The following SAYSD1 variants were observed in gnomAD, a reference collection of about 807,000 sequenced individuals.
SAYSD1 encodes SAYSvFN domain-containing protein 1.
A neutral mutation model predicts 14.5 loss-of-function variants in SAYSD1; 15 were observed. The ratio of observed to expected loss-of-function variants is 1.03; its 90% CI spans 0.69 to 1.59. The LOEUF is 1.59. SAYSD1 is among the 40% of genes most tolerant of loss of function. The probability of loss-of-function intolerance (pLI) is 0.00; values close to 1 mark genes in which losing one functional copy is unlikely to be tolerated. For synonymous variants in SAYSD1, 105 were observed against 102.6 expected (o/e 1.02, Z -0.14); for missense variants, 247 against 227.3 (o/e 1.09, Z -0.56).
intron 1 of SAYSD1, chr6:39,111,407 C>T (rs185081387): frequency 6.6e-6 from 1 of 151,222 alleles, no homozygotes; most frequent in Non-Finnish European, 1.5e-5. Flanking sequence ...AAAAAAGTAT[C>T]AAAAAAACGT....
chr6:39,108,633 G>A (rs1050600307), intron 1 of SAYSD1, among the ~76,000 whole-genome samples: 1 of 152,118 alleles, frequency 6.6e-6, no homozygotes, highest in Non-Finnish European at 1.5e-5. Flanking sequence ...TCTTACCTTA[G>A]GGCCTCTGCA....
chr6:39,114,918 G>C lies in SAYSD1; in HGVS notation c.172C>G (p.Pro58Ala). The change falls in exon 1 of 2, where the codon CCC becomes GCC. Residue 58 changes from proline to alanine, a missense_variant. Physicochemically the swap from Pro to Ala is conservative, Grantham distance 27 (BLOSUM62 -1). Transcript: ENST00000229903. ...CCGGGCTGGGCCCGGGCACTCGCGG[G>C]CCTAGGTTTCCATACCAGGAACCGC... ...LKRFLVWKPR[P>A]ASARAQPGLV... is the part of the protein sequence containing the mutation. The C allele has an allele frequency of 6.2e-7, 1 of 1,612,960 alleles. No individual in the cohort carries two copies. The highest frequency in any genetic ancestry group is 1.3e-5 in the African/African-American group (1 of 75,048).
intron 1 of SAYSD1, among the ~76,000 whole-genome samples, chr6:39,114,320 T>C (rs1562030237): frequency 2.0e-5 from 3 of 152,268 alleles, no homozygotes; most frequent in Admixed American, 1.3e-4. Context: ...TTTTTTTGTT[T>C]GTGTCTTGAA....
Position 39,115,130 on chromosome 6 carries a change from G to C in SAYSD1, c.-41C>G, listed in dbSNP as rs778316136. 2 of 1,562,192 alleles carry C rather than the reference G, an allele frequency of 1.3e-6. No individual in the cohort carries two copies. The highest frequency in any genetic ancestry group is 2.3e-5 in the East Asian group (1 of 43,466). On this transcript the variant is annotated 5_prime_UTR_variant, in exon 1 of 2. Coordinates refer to ENST00000229903, the MANE Select transcript of SAYSD1 (RefSeq NM_018322.3). ...TCCGTTGGCCGATAAGGGAGCGCGCGCCCGCAGGCCGCACAGCAGTTGCCT... is the reference window on the plus strand; with the variant it reads ...TCCGTTGGCCGATAAGGGAGCGCGCCCCCGCAGGCCGCACAGCAGTTGCCT...
Position 39,114,932 on chromosome 6 carries a change from A to G in SAYSD1, c.158T>C (p.Val53Ala). 6.2e-7 allele frequency: 1 copy of G among 1,613,536 alleles called. No individual in the cohort carries two copies. Among genetic ancestry groups the G allele is most frequent in the South Asian group, 1.1e-5 (1 of 91,060 alleles). The part of the protein sequence containing the change: ...AAPGWLKRFL[V>A]WKPRPASARA... ...GGCACTCGCGGGCCTAGGTTTCCATACCAGGAACCGCTTTAGCCAGCCTGG... is the reference window on the plus strand; with the variant it reads ...GGCACTCGCGGGCCTAGGTTTCCATGCCAGGAACCGCTTTAGCCAGCCTGG... The change falls in exon 1 of 2, where the codon GTA becomes GCA. Residue 53 changes from valine (V) to alanine (A), a missense_variant. Coordinates refer to ENST00000229903, the MANE Select transcript of SAYSD1 (RefSeq NM_018322.3).
Position 39,109,422 on chromosome 6 carries a change from A to C in SAYSD1, c.208-3646T>G, listed in dbSNP as rs1169987514. Reference sequence around the variant, plus strand: ...GGAAGGAGGATGTAGATACTTCCTCATCAATGACTGCTGAAAAGATGCAGC... The same window carrying C: ...GGAAGGAGGATGTAGATACTTCCTCCTCAATGACTGCTGAAAAGATGCAGC... On this transcript the variant is annotated intron_variant, in intron 1 of 1. Transcript: ENST00000229903. 3.9e-5 allele frequency: 59 copies of C among 1,511,424 alleles called. No individual in the cohort carries two copies. In the East Asian group the frequency reaches 8.2e-4, roughly 21 times the overall value. 93.6% of individuals were successfully genotyped at this position (1,511,424 alleles called of 1,614,324 possible).
intron 1 of SAYSD1, among the ~76,000 whole-genome samples, chr6:39,108,729 G>GT (rs1428742274): frequency 6.6e-6 from 1 of 152,086 alleles, no homozygotes; most frequent in South Asian, 2.1e-4. Flanking sequence ...AAATGTCACC[G>GT]TATGTGCCCT....
chr6:39,114,994 T>C lies in SAYSD1; in HGVS notation c.96A>G (p.Gly32=). The C allele has an allele frequency of 6.2e-7, 1 of 1,613,834 alleles. No individual in the cohort carries two copies. The highest frequency in any genetic ancestry group is 8.5e-7 in the Non-Finnish European group (1 of 1,179,914). The change falls in exon 1 of 2, where the codon GGA becomes GGG. Residue 32 remains glycine (G), a synonymous_variant. Transcript: ENST00000229903. ...GAGTCGCTGCTGCTTCCGCCTTCTC[T>C]CCTGGGGTTTGTGCGCCCTGACTGG... is the stretch of plus-strand genomic sequence containing the variant. The part of the protein sequence containing the change: ...PAASQGAQTP[G]EKAEAAATLK...
chr6:39,109,980 G>A (rs777978443), intron 1 of SAYSD1, among the ~76,000 whole-genome samples: 7 of 152,106 alleles, frequency 4.6e-5, no homozygotes, highest in Non-Finnish European at 1.0e-4. Context: ...CTTCATCTGC[G>A]GATGAACAGG....
chr6:39,109,634 G>A (rs1769589207), intron 1 of SAYSD1: 1 of 1,217,378 alleles, frequency 8.2e-7, no homozygotes, highest in Non-Finnish European at 1.0e-6. Context: ...TAGATGGACA[G>A]GAGATAAAGT....
At chr6:39,106,671 C>A (rs925799003) in intron 1 of SAYSD1, among the ~76,000 whole-genome samples, 6 of 152,194 alleles carry the variant, frequency 3.9e-5, no homozygotes, top group African/African-American at 1.4e-4. Flanking sequence ...TCTCTTCCCT[C>A]CCCAAGCCAT....
chr6:39,110,379 T>C (rs1769603454), intron 1 of SAYSD1: 1 of 207,410 alleles, frequency 4.8e-6, no homozygotes, highest in South Asian at 1.0e-4. Context: ...GTGGTCACTC[T>C]CCAGGTGAAC....
chr6:39,106,589 T>C (rs1431321940), intron 1 of SAYSD1, among the ~76,000 whole-genome samples: 2 of 152,140 alleles, frequency 1.3e-5, no homozygotes, highest in Non-Finnish European at 2.9e-5. Context: ...CATCCCGTGA[T>C]TAACCTACAC....
At position 39,105,659 on chromosome 6, in the gene SAYSD1, A is replaced by G; in HGVS notation, c.325T>C (p.Trp109Arg). The G allele has an allele frequency of 6.2e-7, 1 of 1,614,204 alleles. No homozygotes were observed. The highest frequency in any genetic ancestry group is 8.5e-7 in the Non-Finnish European group (1 of 1,180,028). ...TNITFLKVLL[W>R]LVLLGLFVEL... ...ACAAACAGTCCCAGCAGGACCAACC[A>G]GAGAAGAACCTTCAAGAAGGTGATA... is the stretch of plus-strand genomic sequence containing the variant. The change falls in exon 2 of 2, where the codon TGG (tryptophan) becomes CGG (arginine). Residue 109 changes from tryptophan (W) to arginine (R), a missense_variant. Coordinates refer to ENST00000229903, the MANE Select transcript of SAYSD1 (RefSeq NM_018322.3).
rs148232289 is a variant in SAYSD1, at chr6:39,106,977, A to G, written c.208-1201T>C. Among the ~76,000 whole-genome samples the G allele has an allele frequency of 2.7e-4, 41 of 152,370 alleles. No homozygotes were observed. In the East Asian group the frequency reaches 6.9e-3, roughly 26 times the overall value. Reference sequence around the variant, plus strand: ...CTGTAATCCAGAATACATATATGCAACAAAGTTTCACAAGTCAACACTTAC... The same window carrying G: ...CTGTAATCCAGAATACATATATGCAGCAAAGTTTCACAAGTCAACACTTAC... On this transcript the variant is annotated intron_variant, in intron 1 of 1. Transcript: ENST00000229903.
At chr6:39,109,477 C>G in intron 1 of SAYSD1, 6 of 1,513,352 alleles carry the variant, frequency 4.0e-6, no homozygotes, top group Non-Finnish European at 5.3e-6. Context: ...AGGCCCGGGT[C>G]GGGGCAGAGG....
intron 1 of SAYSD1, chr6:39,109,630 G>A: frequency 1.6e-6 from 2 of 1,234,006 alleles, no homozygotes; most frequent in Non-Finnish European, 2.0e-6. Context: ...TCTGTAGATG[G>A]ACAGGAGATA....
intron 1 of SAYSD1, chr6:39,113,674 G>A (rs1216136990): frequency 6.6e-5 from 10 of 152,490 alleles, no homozygotes; most frequent in African/African-American, 2.4e-4. Flanking sequence ...TTGGAAATGA[G>A]ACATACAGTC....
chr6:39,107,328 G>C (rs1184622396), intron 1 of SAYSD1, among the ~76,000 whole-genome samples: 1 of 152,116 alleles, frequency 6.6e-6, no homozygotes, highest in African/African-American at 2.4e-5. Flanking sequence ...ATCAGGGAGG[G>C]TGCCCCCTCT....
Sources: allele counts gnomAD v4.1 joint callset (sites outside exome capture counted in the v4.1 genomes callset), GRCh38; gene constraint gnomAD v4.1.1; transcripts MANE v1.5; gene names NCBI Gene and HGNC (gene_info 2026-07-23, HGNC 2026-07-21).